The following NFAT5 variants were observed in gnomAD, a reference collection of about 807,000 sequenced individuals.
NFAT5 encodes nuclear factor of activated T-cells 5.
A neutral mutation model predicts 166.5 loss-of-function variants in NFAT5; 31 were observed. The observed-to-expected ratio is 0.19, with a 90% CI of 0.14 to 0.25. The LOEUF (loss-of-function observed/expected upper bound fraction) is 0.25, where lower values mean the gene tolerates loss of function less well. Ranked by LOEUF, NFAT5 falls within the 10% of genes least tolerant of loss-of-function variation. NFAT5 has a pLI of 1.00. For missense variants in NFAT5, 1,449 were observed against 1,821.8 expected, an observed-to-expected ratio of 0.80 and a Z score of 3.72; for synonymous variants, 612 against 639.7, an observed-to-expected ratio of 0.96 and a Z score of 0.65.
At chr16:69,660,009 A>G (rs1597489314) in intron 7 of NFAT5, 110 bp downstream of exon 7, 1 of 954,550 alleles carries the variant, frequency 1.0e-6, no homozygotes, top group Non-Finnish European at 1.5e-6. Flanking sequence ...GCTTGTGATC[A>G]TGCAAAATTT....
chr16:69,623,853 GA>G (rs79354297), intron 2 of NFAT5, among the ~76,000 whole-genome samples: 9,408 of 117,152 alleles, frequency 0.08, 310 homozygotes, highest in Middle Eastern at 0.13. Context: ...AAGGAAATTT[GA>G]AAAAAAAAAA....
intron 3 of NFAT5, among the ~76,000 whole-genome samples, chr16:69,638,951 G>GTC (rs1258730098): frequency 6.6e-6 from 1 of 151,774 alleles, no homozygotes; most frequent in Non-Finnish European, 1.5e-5. Context: ...GTTTGTCTCT[G>GTC]TCTCTCTCTC....
chr16:69,631,892 G>A (rs758304215), intron 3 of NFAT5, among the ~76,000 whole-genome samples: 1 of 152,042 alleles, frequency 6.6e-6, no homozygotes, highest in Non-Finnish European at 1.5e-5. Context: ...GACCACTGTC[G>A]GTTTTTAAGT....
At chr16:69,661,082 CT>C (rs765529666) in intron 7 of NFAT5, among the ~76,000 whole-genome samples, 394 of 127,138 alleles carry the variant, frequency 3.1e-3, no homozygotes, top group East Asian at 0.011. Context: ...CCCCACCACC[CT>C]TTTTTTTTTT....
Position 69,698,668 on chromosome 16 carries a change from G to A in NFAT5, c.*2317G>A, listed in dbSNP as rs1043266866. ...TCACTCAGCCAAGTGTTAGAGTCAG[G>A]AAACCCATTGAGGCAATGGCGTCAA... On this transcript the variant is annotated 3_prime_UTR_variant, in exon 15 of 15. Coordinates refer to ENST00000349945, the MANE Select transcript of NFAT5 (RefSeq NM_138713.4). The A allele has an allele frequency of 1.3e-5, 2 of 152,552 alleles. No individual in the cohort carries two copies. Among genetic ancestry groups the A allele is most frequent in the African/African-American group, 4.8e-5 (2 of 41,416 alleles). 9.4% of individuals were successfully genotyped at this position (152,552 alleles called of 1,614,324 possible).
rs2016061352 is a variant in NFAT5, at chr16:69,566,657, A to T, written c.73+283A>T. Among the ~76,000 whole-genome samples the T allele has an allele frequency of 6.6e-6, 1 of 151,662 alleles. No homozygotes were observed. Among genetic ancestry groups the T allele is most frequent in the Non-Finnish European group, 1.5e-5 (1 of 67,856 alleles). The stretch of plus-strand genomic sequence containing the variant: ...GCACCGGTCGCTTCTAGCCGCTCTC[A>T]GCCCGTCCGGCCCCGCCAGGCTCCG... On this transcript the variant is annotated intron_variant, in intron 1 of 14. Coordinates refer to ENST00000349945, the MANE Select transcript of NFAT5 (RefSeq NM_138713.4). This position sits in a 1 kb window ranked among gnomAD's most constrained non-coding sequence, Gnocchi z 5.7.
chr16:69,613,716 C>T (rs903801461), intron 2 of NFAT5, among the ~76,000 whole-genome samples: 3 of 152,322 alleles, frequency 2.0e-5, no homozygotes, highest in Non-Finnish European at 4.4e-5. Flanking sequence ...GTTCCCTCTT[C>T]TCCAGTTGTG....
chr16:69,666,228 C>A (rs2036371275), intron 7 of NFAT5, among the ~76,000 whole-genome samples: 1 of 147,192 alleles, frequency 6.8e-6, no homozygotes, highest in South Asian at 2.2e-4. Context: ...TAGAAGAAAA[C>A]CTAGGCATTA....
intron 3 of NFAT5, among the ~76,000 whole-genome samples, chr16:69,641,534 T>C (rs1463090858): frequency 6.6e-6 from 1 of 152,106 alleles, no homozygotes; most frequent in Non-Finnish European, 1.5e-5. Flanking sequence ...AAATTAAATA[T>C]CATTTCTGTC....
intron 10 of NFAT5, among the ~76,000 whole-genome samples, chr16:69,683,827 G>A (rs569790652): frequency 1.2e-4 from 18 of 152,168 alleles, no homozygotes; most frequent in African/African-American, 3.6e-4. Context: ...CAGCCAGTGC[G>A]GTGGCTCACG....
intron 2 of NFAT5, among the ~76,000 whole-genome samples, chr16:69,611,999 A>T (rs1219039195): frequency 1.3e-5 from 2 of 152,206 alleles, no homozygotes; most frequent in African/African-American, 2.4e-5. Context: ...GAATGAGAAT[A>T]TTTACTGAGC....
chr16:69,671,274 A>G (rs1407024562), intron 9 of NFAT5, among the ~76,000 whole-genome samples: 9 of 152,230 alleles, frequency 5.9e-5, no homozygotes, highest in Admixed American at 2.0e-4. Context: ...TATTTTTCCT[A>G]CTGTCCCCTT....
intron 11 of NFAT5, among the ~76,000 whole-genome samples, chr16:69,688,214 A>AAAAAAAAC (rs2037400813): frequency 8.9e-5 from 10 of 112,234 alleles, no homozygotes; most frequent in African/African-American, 3.4e-4. Context: ...AAAAAAAAAA[A>AAAAAAAAC]AAAAAAAAAA....
At chr16:69,659,271 A>C (rs1161989389) in intron 6 of NFAT5, among the ~76,000 whole-genome samples, 1 of 151,858 alleles carries the variant, frequency 6.6e-6, no homozygotes, top group African/African-American at 2.4e-5. Flanking sequence ...GTGTAACCCC[A>C]TCTTTACTAA....
rs563293379 is a variant in NFAT5 at position 69,571,987 on chromosome 16, C to T, written c.127+3439C>T. Reference sequence around the variant, plus strand: ...CCATATTAGCCAGGATGGTCTCGATCTCCTGATCTCGTGATCCGCCTGCGT... The same window carrying T: ...CCATATTAGCCAGGATGGTCTCGATTTCCTGATCTCGTGATCCGCCTGCGT... On this transcript the variant is annotated intron_variant, in intron 2 of 14. Transcript: ENST00000349945. Among the ~76,000 whole-genome samples the T allele has an allele frequency of 3.3e-5, 5 of 152,184 alleles. 1 individual carries two copies. The highest frequency in any genetic ancestry group is 1.2e-4 in the African/African-American group (5 of 41,514).
chr16:69,655,451 T>A (rs991095242), intron 5 of NFAT5, among the ~76,000 whole-genome samples, 158 bp from the exon 6 acceptor site: 10 of 152,200 alleles, frequency 6.6e-5, no homozygotes, highest in Non-Finnish European at 1.5e-4. Context: ...TAGCCAACTC[T>A]TTTATGAAAA....
chr16:69,576,668 G>A (rs1008318578), intron 2 of NFAT5, among the ~76,000 whole-genome samples: 5 of 152,070 alleles, frequency 3.3e-5, no homozygotes, highest in Non-Finnish European at 5.9e-5. Context: ...TCAGGAGTTC[G>A]AGATCAGCCT....
At chr16:69,591,888 C>T (rs140412226) in intron 2 of NFAT5, among the ~76,000 whole-genome samples, 1 of 151,982 alleles carries the variant, frequency 6.6e-6, no homozygotes, top group Non-Finnish European at 1.5e-5. Context: ...TGTGATTGTG[C>T]CACTGCATTT....
intron 7 of NFAT5, 140 bp from the exon 8 acceptor site, chr16:69,669,837 G>C: frequency 1.4e-6 from 1 of 708,458 alleles, no homozygotes; most frequent in Non-Finnish European, 2.2e-6. Flanking sequence ...AGCCTTTCCA[G>C]ATAATTGTGT....
Sources: allele counts gnomAD v4.1 joint callset (sites outside exome capture counted in the v4.1 genomes callset), GRCh38; gene constraint gnomAD v4.1.1; non-coding constraint Gnocchi (gnomAD v3.1); transcripts MANE v1.5; gene names NCBI Gene and HGNC (gene_info 2026-07-23, HGNC 2026-07-21).